The following ESD variants were observed in gnomAD, a reference collection of about 807,000 sequenced individuals.
ESD encodes S-formylglutathione hydrolase.
A neutral mutation model predicts 38.1 loss-of-function variants in ESD; 34 were observed. The observed-to-expected ratio is 0.89, with a 90% CI of 0.68 to 1.19. ESD has a LOEUF of 1.19. ESD is among the 50% of genes most tolerant of loss of function. ESD has a pLI of 0.00. For missense variants in ESD, 334 were observed against 327.2 expected, an observed-to-expected ratio of 1.02 and a Z score of -0.16; for synonymous variants, 97 against 107.0, an observed-to-expected ratio of 0.91 and a Z score of 0.58.
At chr13:46,777,823 C>T (rs1874858836) in intron 8 of ESD, among the ~76,000 whole-genome samples, 200 bp from the exon 9 acceptor site, 1 of 151,770 alleles carries the variant, frequency 6.6e-6, no homozygotes, top group Non-Finnish European at 1.5e-5. Flanking sequence ...TAATAATAGT[C>T]TCTTCCCTAC....
At chr13:46,780,222 A>G (rs1317364583) in intron 7 of ESD, among the ~76,000 whole-genome samples, 189 bp from the exon 8 acceptor site, 1 of 151,654 alleles carries the variant, frequency 6.6e-6, no homozygotes, top group East Asian at 1.9e-4. Flanking sequence ...CCTTTCCATA[A>G]TACATCTTTT....
chr13:46,793,765 A>G (rs1033411927), intron 1 of ESD, among the ~76,000 whole-genome samples: 1 of 152,194 alleles, frequency 6.6e-6, no homozygotes, highest in Non-Finnish European at 1.5e-5. Flanking sequence ...GTAATTTCGA[A>G]GCATGAGATG....
chr13:46,791,346 C>T lies in ESD; in HGVS notation c.68G>A (p.Ser23Asn). ...AAAATTATATCTTCTTAATAGTTAC[C>T]TGTCATGTTCAAAAACTTTCTGCAA... ...GGLQKVFEHD[S>N]VELNCKMKFA... Residue 23 changes from serine (S) to asparagine (N), a missense_variant and splice_region_variant, in exon 3 of 10, where the codon AGT becomes AAT. Ser to Asn is a conservative substitution (Grantham distance 46, BLOSUM62 1). Coordinates refer to ENST00000378720, the MANE Select transcript of ESD (RefSeq NM_001984.2). 1 of 1,608,560 alleles carries T rather than the reference C, an allele frequency of 6.2e-7. No individual in the cohort carries two copies. The highest frequency in any genetic ancestry group is 2.2e-5 in the East Asian group (1 of 44,726).
intron 9 of ESD, chr13:46,776,290 C>T (rs1289863218): frequency 6.6e-6 from 1 of 152,188 alleles, no homozygotes; most frequent in African/African-American, 2.4e-5. Context: ...ATATAGTTCA[C>T]ATGTGCAAAA....
At chr13:46,786,964 A>G (rs965704532) in intron 4 of ESD, 57 bp downstream of exon 4, 6 of 1,110,950 alleles carry the variant, frequency 5.4e-6, no homozygotes, top group Non-Finnish European at 6.2e-6. Context: ...GGGTAAGATA[A>G]GCCAGTTAAA....
chr13:46,796,804 G>A (rs1034663882), intron 1 of ESD, among the ~76,000 whole-genome samples: 1 of 152,216 alleles, frequency 6.6e-6, no homozygotes, highest in African/African-American at 2.4e-5. Context: ...AAGTCTTTCT[G>A]AACAGGAAAA....
intron 4 of ESD, 39 bp from the exon 5 acceptor site, chr13:46,784,389 A>ATCT: frequency 7.2e-7 from 1 of 1,397,948 alleles, no homozygotes; most frequent in Non-Finnish European, 1.0e-6. Flanking sequence ...ACACATGGAC[A>ATCT]TGAAGATGTG....
intron 3 of ESD, among the ~76,000 whole-genome samples, chr13:46,790,006 A>ATG (rs35006774): frequency 1.5e-5 from 2 of 132,372 alleles, no homozygotes; most frequent in African/African-American, 6.2e-5. Context: ...ATATATATAT[A>ATG]TATTTTTTTT....
Position 46,779,983 on chromosome 13 carries a change from G to A in ESD, c.552C>T (p.Gly184=), listed in dbSNP as rs1303578209. Residue 184 remains glycine (G), a synonymous_variant, in exon 8 of 10, where the codon GGC becomes GGT. Coordinates refer to ENST00000378720, the MANE Select transcript of ESD (RefSeq NM_001984.2). ...CCAAATATCCACTAAAGGCTTTTTT[G>A]CCCCAGGGACAGAGTACAGGGTTGC... ...PICNPVLCPW[G]KKAFSGYLGT... The A allele has an allele frequency of 6.2e-7, 1 of 1,604,008 alleles. No homozygotes were observed. Among genetic ancestry groups the A allele is most frequent in the Admixed American group, 1.7e-5 (1 of 59,294 alleles).
chr13:46,797,509 C>T (rs914238593), upstream of ESD, among the ~76,000 whole-genome samples: 1 of 152,154 alleles, frequency 6.6e-6, no homozygotes, highest in Non-Finnish European at 1.5e-5. Context: ...TCGCTTAACT[C>T]GTGCAGAGGG....
intron 9 of ESD, among the ~76,000 whole-genome samples, chr13:46,774,585 G>T (rs1874721789): frequency 6.6e-6 from 1 of 152,118 alleles, no homozygotes. Flanking sequence ...CAAAACTCTT[G>T]ACTCCTGGAG....
intron 7 of ESD, among the ~76,000 whole-genome samples, chr13:46,780,555 C>G (rs1874962594): frequency 6.6e-6 from 1 of 151,586 alleles, no homozygotes; most frequent in Non-Finnish European, 1.5e-5. Context: ...CTTCAGAGTA[C>G]TCATCAATGT....
At chr13:46,795,756 CT>C (rs201133945) in intron 1 of ESD, among the ~76,000 whole-genome samples, 28,507 of 143,106 alleles carry the variant, frequency 0.2, 3,521 homozygotes, top group East Asian at 0.39. Context: ...TTTTTTTCTT[CT>C]TTTTTTTTTT....
At chr13:46,772,164 G>A (rs1216959) in intron 9 of ESD, among the ~76,000 whole-genome samples, 107,848 of 151,582 alleles carry the variant, frequency 0.71, 40,093 homozygotes, top group African/African-American at 0.93. Flanking sequence ...TTATGTGAGG[G>A]GAAATATGTC....
chr13:46,796,295 G>A (rs56056440), intron 1 of ESD, among the ~76,000 whole-genome samples: 16,604 of 152,060 alleles, frequency 0.11, 1,300 homozygotes, highest in Non-Finnish European at 0.16. Context: ...CATGACACTG[G>A]GCAAGCTAAT....
chr13:46,789,152 A>G (rs1158111287), intron 3 of ESD, among the ~76,000 whole-genome samples: 2 of 152,104 alleles, frequency 1.3e-5, no homozygotes, highest in East Asian at 3.9e-4. Flanking sequence ...ATATAGCTCC[A>G]CTCATCTGGA....
At chr13:46,772,905 C>T (rs1874660022) in intron 9 of ESD, among the ~76,000 whole-genome samples, 1 of 152,058 alleles carries the variant, frequency 6.6e-6, no homozygotes, top group Non-Finnish European at 1.5e-5. Context: ...AGGATGGTCT[C>T]GATCTCCTGA....
At chr13:46,772,810 G>A (rs1466346015) in intron 9 of ESD, among the ~76,000 whole-genome samples, 5 of 151,910 alleles carry the variant, frequency 3.3e-5, no homozygotes, top group African/African-American at 4.8e-5. Context: ...TCAGCCTCCC[G>A]ACTAGCTGGG....
intron 2 of ESD, among the ~76,000 whole-genome samples, chr13:46,792,594 C>A (rs530395669): frequency 3.9e-5 from 6 of 152,052 alleles, no homozygotes; most frequent in Non-Finnish European, 7.4e-5. Flanking sequence ...TCTAGAGGTT[C>A]TTTAAATACT....
Sources: gnomAD v4.1 joint callset for allele counts (sites outside exome capture counted in the v4.1 genomes callset) on GRCh38, gnomAD v4.1.1 for gene constraint, MANE v1.5 for transcripts, NCBI Gene and HGNC (gene_info 2026-07-23, HGNC 2026-07-21) for gene names.